CPLX2: variants seen among roughly 807,000 people sequenced by gnomAD.
The protein encoded by CPLX2 is complexin 2.
CPLX2 carries 5 observed loss-of-function variants against 16.3 expected under a neutral mutation model. The ratio of observed to expected loss-of-function variants is 0.31; its 90% confidence interval spans 0.16 to 0.64. CPLX2 has a LOEUF of 0.64. Among genes scored for constraint, CPLX2 ranks in the 30% least tolerant of loss-of-function variants. The pLI is 0.79. For synonymous variants in CPLX2, 89 were observed against 73.2 expected, an observed-to-expected ratio of 1.22 and a Z score of -1.10; for missense variants, 144 against 181.4, an observed-to-expected ratio of 0.79 and a Z score of 1.18.
At chr5:175,819,636 A>G (rs558032235) in intron 2 of CPLX2, among the ~76,000 whole-genome samples, 1 of 152,216 alleles carries the variant, frequency 6.6e-6, no homozygotes, top group East Asian at 1.9e-4. Context: ...AGTGTCTGGG[A>G]TTGGAAGTGG....
chr5:175,846,876 T>C (rs1268643092), intron 2 of CPLX2, among the ~76,000 whole-genome samples: 2 of 152,220 alleles, frequency 1.3e-5, no homozygotes, highest in African/African-American at 4.8e-5. Flanking sequence ...GCTAACTCCA[T>C]CCTGCAGGCC....
In CPLX2 at chr5:175,820,487, G is replaced by A. The variant is rs559750216; in HGVS notation, c.-89+11419G>A. Among the ~76,000 whole-genome samples the A allele has an allele frequency of 2.6e-5, 4 of 152,206 alleles. No individual in the cohort carries two copies. The East Asian group carries it at 5.8e-4, about 22-fold the overall frequency. On this transcript the variant is annotated intron_variant, in intron 2 of 4. Coordinates refer to the CPLX2 transcript ENST00000359546. ...TGGGCCAGGCATGGCATTCCCTCCCGCATCACCTTGTCTCCCTGCAGCTGC... is the reference window on the plus strand; with the variant it reads ...TGGGCCAGGCATGGCATTCCCTCCCACATCACCTTGTCTCCCTGCAGCTGC...
intron 2 of CPLX2, among the ~76,000 whole-genome samples, chr5:175,858,282 C>T (rs1759298030): frequency 6.6e-6 from 1 of 152,204 alleles, no homozygotes; most frequent in Non-Finnish European, 1.5e-5. Context: ...GTGGACATGA[C>T]CAGAGCACAA....
chr5:175,829,175 AGG>A (rs1291098431), intron 2 of CPLX2, among the ~76,000 whole-genome samples: 1 of 152,202 alleles, frequency 6.6e-6, no homozygotes, highest in African/African-American at 2.4e-5. Flanking sequence ...ATCTCTCCAT[AGG>A]CAGCCTTAAG....
At chr5:175,829,846 C>A (rs902229189) in intron 2 of CPLX2, among the ~76,000 whole-genome samples, 12 of 152,218 alleles carry the variant, frequency 7.9e-5, no homozygotes, top group Admixed American at 6.5e-5. Context: ...GCCCAGGACT[C>A]TCACGCAGAC....
intron 2 of CPLX2, among the ~76,000 whole-genome samples, chr5:175,829,162 C>T (rs552860241): frequency 6.6e-6 from 1 of 152,372 alleles, no homozygotes; most frequent in African/African-American, 2.4e-5. Flanking sequence ...GCATTTCCCA[C>T]AGATCTCTCC....
chr5:175,819,866 A>G (rs541254765), intron 2 of CPLX2, among the ~76,000 whole-genome samples: 25 of 152,366 alleles, frequency 1.6e-4, no homozygotes, highest in Non-Finnish European at 3.1e-4. Flanking sequence ...TCTCAGCCTG[A>G]AGCAGGTAGC....
At chr5:175,803,084 G>C (rs901102494) in intron 1 of CPLX2, among the ~76,000 whole-genome samples, 1 of 152,106 alleles carries the variant, frequency 6.6e-6, no homozygotes, top group African/African-American at 2.4e-5. Context: ...CGTTTGCTGG[G>C]ATCCGAAGTG....
At chr5:175,833,015 G>C (rs918719213) in intron 2 of CPLX2, among the ~76,000 whole-genome samples, 2 of 152,084 alleles carry the variant, frequency 1.3e-5, no homozygotes, top group African/African-American at 2.4e-5. Context: ...AATTAGCTAG[G>C]CATAGTGGCA....
intron 2 of CPLX2, among the ~76,000 whole-genome samples, chr5:175,816,263 G>A (rs914196977): frequency 4.6e-5 from 7 of 152,258 alleles, no homozygotes; most frequent in Non-Finnish European, 7.4e-5. Context: ...CAGCTTCTGG[G>A]TTCAAGCGAT....
chr5:175,827,490 C>CA (rs1269804010), intron 2 of CPLX2, among the ~76,000 whole-genome samples: 1 of 152,172 alleles, frequency 6.6e-6, no homozygotes, highest in African/African-American at 2.4e-5. Flanking sequence ...TGCAGTCCCT[C>CA]ACGCCTGTAA....
intron 2 of CPLX2, among the ~76,000 whole-genome samples, chr5:175,866,363 T>C (rs977581030): frequency 6.6e-5 from 10 of 151,834 alleles, no homozygotes; most frequent in African/African-American, 2.4e-4. Context: ...TAAATGAGAG[T>C]TGGAAAAAGA....
chr5:175,869,764 C>T (rs1430495036), upstream of CPLX2, among the ~76,000 whole-genome samples: 1 of 152,182 alleles, frequency 6.6e-6, no homozygotes, highest in Non-Finnish European at 1.5e-5. Context: ...AGCCCCTTCT[C>T]GAGCTTGACA....
intron 2 of CPLX2, among the ~76,000 whole-genome samples, chr5:175,856,140 A>G (rs1328185497): frequency 6.6e-6 from 1 of 152,192 alleles, no homozygotes; most frequent in African/African-American, 2.4e-5. Context: ...TAGTTGTGCG[A>G]CCTTGGCAAG....
chr5:175,865,333 G>A (rs1489276372), intron 2 of CPLX2, among the ~76,000 whole-genome samples: 1 of 152,174 alleles, frequency 6.6e-6, no homozygotes, highest in African/African-American at 2.4e-5. Flanking sequence ...GAAAGTAGAA[G>A]TCATTTCCAG....
intron 1 of CPLX2, among the ~76,000 whole-genome samples, chr5:175,874,719 G>A (rs528629523): frequency 6.6e-6 from 1 of 152,172 alleles, no homozygotes; most frequent in Non-Finnish European, 1.5e-5. Context: ...TGTAGGGGAG[G>A]GGAGGCAGAG....
chr5:175,872,549 C>T lies in CPLX2; in HGVS notation c.-89+844C>T, dbSNP rs930615216. Among the ~76,000 whole-genome samples the T allele has an allele frequency of 2.6e-5, 4 of 151,824 alleles. No homozygotes were observed. Among genetic ancestry groups the T allele is most frequent in the South Asian group, 4.2e-4 (2 of 4,804 alleles). On this transcript the variant is annotated intron_variant, in intron 1 of 3. Coordinates refer to ENST00000393745, the MANE Select transcript of CPLX2 (RefSeq NM_001008220.2). This position sits in a 1 kb window ranked among gnomAD's most constrained non-coding sequence, Gnocchi z 5.0. ...TCTCCGCGGGGGTCCGGGAGAGGGG[C>T]GCCGGGGTTCCTGTCCTCTCTTCTG...
At position 175,881,001 on chromosome 5, in the gene CPLX2, G is replaced by A. The variant is rs2113720194; in HGVS notation, c.*956G>A. 6.5e-6 allele frequency: 1 copy of A among 152,858 alleles called. No homozygotes were observed. The highest frequency in any genetic ancestry group is 1.9e-4 in the East Asian group (1 of 5,172). The allele number at this position is 152,858 out of a possible 1,614,324, so 9.5% of individuals were successfully genotyped here. On this transcript the variant is annotated 3_prime_UTR_variant, in exon 4 of 4. Coordinates refer to ENST00000393745, the MANE Select transcript of CPLX2 (RefSeq NM_001008220.2). ...GGACGCTTCCTGGCCAAAGCCCCAA[G>A]CCTTTGGTGAGAAGCCAATTCCCAC... is the stretch of plus-strand genomic sequence containing the variant.
chr5:175,850,616 G>C (rs1264797147), intron 2 of CPLX2, among the ~76,000 whole-genome samples: 2 of 152,154 alleles, frequency 1.3e-5, no homozygotes, highest in Non-Finnish European at 2.9e-5. Flanking sequence ...TCATCCACAG[G>C]AGCACAGCAA....
Sources: gnomAD v4.1 joint callset for allele counts (sites outside exome capture counted in the v4.1 genomes callset) on GRCh38, gnomAD v4.1.1 for gene constraint, Gnocchi (gnomAD v3.1) non-coding constraint, MANE v1.5 for transcripts, NCBI Gene and HGNC (gene_info 2026-07-23, HGNC 2026-07-21) for gene names.